Variants in DIP2A observed in about 807,000 individuals in gnomAD.
DIP2A encodes the protein disco-interacting protein 2 homolog A.
Under a neutral mutation model 177.4 loss-of-function variants are expected in DIP2A, and 85 were observed. That is an observed-to-expected ratio of 0.48 (90% CI 0.40 to 0.57). The LOEUF (loss-of-function observed/expected upper bound fraction) is 0.57. DIP2A is among the 20% of genes least tolerant of loss of function. The pLI is 0.00. For missense variants in DIP2A, 1,791 were observed against 2,100.2 expected (o/e 0.85, Z 2.88); for synonymous variants, 886 against 881.8 (o/e 1.00, Z -0.08).
chr21:46,566,769 C>T, intron 37 of DIP2A, 86 bp downstream of exon 37: 3 of 1,559,056 alleles, frequency 1.9e-6, no homozygotes, highest in Non-Finnish European at 2.6e-6. Context: ...TGGAGCAGAG[C>T]AAGGACTGCT....
intron 1 of DIP2A, among the ~76,000 whole-genome samples, chr21:46,480,662 A>G (rs1477435753): frequency 6.6e-6 from 1 of 152,160 alleles, no homozygotes; most frequent in Admixed American, 6.5e-5. Flanking sequence ...CTTTGGCAGC[A>G]AGGGAAAGGC....
intron 9 of DIP2A, among the ~76,000 whole-genome samples, chr21:46,529,490 A>G (rs1328221315): frequency 6.6e-6 from 1 of 151,742 alleles, no homozygotes; most frequent in Non-Finnish European, 1.5e-5. Context: ...AATGCCAGCT[A>G]CCCGGGAGGC....
At chr21:46,547,656 CTTTTTT>C (rs10672432) in intron 21 of DIP2A, among the ~76,000 whole-genome samples, 8 of 76,392 alleles carry the variant, frequency 1.0e-4, no homozygotes, top group African/African-American at 1.7e-4. Context: ...AAGGGGGTGC[CTTTTTT>C]TTTTTTTTTT....
intron 37 of DIP2A, 102 bp from the exon 38 acceptor site, chr21:46,567,268 T>G: frequency 6.7e-7 from 1 of 1,491,788 alleles, no homozygotes; most frequent in Non-Finnish European, 9.0e-7. Flanking sequence ...TGTGTGACAT[T>G]GGTGGGCTTC....
the DIP2A span, among the ~76,000 whole-genome samples, chr21:46,580,231 G>C: frequency 1.3e-5 from 2 of 152,108 alleles, no homozygotes; most frequent in Non-Finnish European, 2.9e-5. Context: ...ATCTTTGTTG[G>C]TTGAAGATTT....
Position 46,490,627 on chromosome 21 carries a change from A to G in DIP2A, c.191A>G (p.Asn64Ser). The G allele has an allele frequency of 6.3e-7, 1 of 1,579,452 alleles. No homozygotes were observed. Among genetic ancestry groups the G allele is most frequent in the Non-Finnish European group, 8.6e-7 (1 of 1,162,566 alleles). ...ATAGACCCATCTCTGCAAGCAGAGA[A>G]TAGAATTCCTGGGCCCTCACAAACC... Reference protein sequence around the residue: ...QGIDPSLQAENRIPGPSQTTA... With the variant: ...QGIDPSLQAESRIPGPSQTTA... The change falls in exon 3 of 38, where the codon AAT becomes AGT. Residue 64 changes from asparagine (N) to serine (S), a missense_variant. Asn to Ser is a conservative substitution (Grantham distance 46). Transcript: ENST00000417564.
intron 21 of DIP2A, among the ~76,000 whole-genome samples, chr21:46,548,181 CGTGTGTGTGT>C (rs151337762): frequency 5.4e-5 from 8 of 147,678 alleles, no homozygotes; most frequent in East Asian, 4.0e-4. Flanking sequence ...TGCATGTGTG[CGTGTGTGTGT>C]GTGTGTGTGT....
chr21:46,486,332 G>A (rs1354747066), intron 2 of DIP2A, among the ~76,000 whole-genome samples: 1 of 152,112 alleles, frequency 6.6e-6, no homozygotes, highest in African/African-American at 2.4e-5. Flanking sequence ...AGCCTCCTGA[G>A]TACATGGGAT....
Position 46,537,134 on chromosome 21 carries a change from T to A in DIP2A, c.1643-90T>A. On this transcript the variant is annotated intron_variant, in intron 13 of 37. Coordinates refer to ENST00000417564, the MANE Select transcript of DIP2A (RefSeq NM_015151.4). The surrounding 1 kb of genome is among the most constrained non-coding windows in gnomAD (Gnocchi z 4.1). ...TCTGTTCCTGAAACTTACATGTTGA[T>A]GACGTACTCACCTCAGAATTTCTCT... is the stretch of plus-strand genomic sequence containing the variant. The A allele has an allele frequency of 8.1e-7, 1 of 1,237,796 alleles. No homozygotes were observed. Among genetic ancestry groups the A allele is most frequent in the Non-Finnish European group, 1.2e-6 (1 of 837,294 alleles). 76.7% of individuals were successfully genotyped at this position (1,237,796 alleles called of 1,614,324 possible). A position where few individuals can be genotyped will look rare whatever the true frequency, so the allele number is the denominator to read the frequency against.
rs375900304 is a variant in DIP2A at position 46,565,916 on chromosome 21, A to C, written c.4339+29A>C. Reference sequence around the variant, plus strand: ...AGGGGTTGTGGTGAAGCCCTGCGTGAGTGCTGTGCGGGGAGGACCTGGGCT... The same window carrying C: ...AGGGGTTGTGGTGAAGCCCTGCGTGCGTGCTGTGCGGGGAGGACCTGGGCT... On this transcript the variant is annotated intron_variant, in intron 36 of 37. Transcript: ENST00000417564. The C allele has an allele frequency of 1.1e-3, 1,829 of 1,612,282 alleles. 4 individuals carry two copies. The highest frequency in any genetic ancestry group is 1.4e-3 in the Non-Finnish European group (1,673 of 1,179,296).
At chr21:46,460,109 T>C (rs1228778058) in intron 1 of DIP2A, among the ~76,000 whole-genome samples, 1 of 152,200 alleles carries the variant, frequency 6.6e-6, no homozygotes, top group Non-Finnish European at 1.5e-5. Context: ...CTTTCCATTT[T>C]GGATTGTTAT....
chr21:46,524,038 G>A (rs987702366), intron 8 of DIP2A, among the ~76,000 whole-genome samples: 2 of 152,214 alleles, frequency 1.3e-5, no homozygotes, highest in South Asian at 4.1e-4. Context: ...TGTCAGTAAT[G>A]AAGGGATCTT....
intron 1 of DIP2A, among the ~76,000 whole-genome samples, chr21:46,476,494 A>G (rs1476404126): frequency 1.3e-5 from 2 of 152,130 alleles, no homozygotes; most frequent in African/African-American, 4.8e-5. Flanking sequence ...AGAGACTAGC[A>G]TGGGGAAGAG....
rs1467541091 is a variant in DIP2A, at chr21:46,519,861, T to A, written c.1102+8247T>A. Among the ~76,000 whole-genome samples, 4 of 41,108 alleles carry A rather than the reference T, an allele frequency of 9.7e-5. No homozygotes were observed. In the East Asian group the frequency reaches 2.5e-3, roughly 26 times the overall value. 27.0% of individuals were successfully genotyped at this position (41,108 alleles called of 152,430 possible). A position where few individuals can be genotyped will look rare whatever the true frequency, so the allele number is the denominator to read the frequency against. ...AATTAGAATATTGATCTAGATTTTT[T>A]TTTTTTTTTTTTTTTTTTTTTTTTT... On this transcript the variant is annotated intron_variant, in intron 8 of 37. Transcript: ENST00000417564.
intron 6 of DIP2A, among the ~76,000 whole-genome samples, chr21:46,507,804 G>A (rs569582037): frequency 2.8e-4 from 40 of 145,008 alleles, no homozygotes; most frequent in Admixed American, 4.3e-4. Context: ...GGTGTCAAGC[G>A]ATTCTCCTGC....
At chr21:46,572,269 A>G (rs4819265), downstream of DIP2A, among the ~76,000 whole-genome samples, 50,822 of 152,112 alleles carry the variant, frequency 0.33, 8,735 homozygotes, top group East Asian at 0.43. Context: ...ATAAAGTTAC[A>G]GTAAGCTAAG....
At chr21:46,554,355 C>G (rs938683470) in intron 26 of DIP2A, 63 bp downstream of exon 26, 2 of 1,588,676 alleles carry the variant, frequency 1.3e-6, no homozygotes, top group Middle Eastern at 1.7e-4. Context: ...TCCTAAGCAG[C>G]CCCCTAGACA....
chr21:46,499,245 G>T (rs1002450987), intron 5 of DIP2A, among the ~76,000 whole-genome samples: 2 of 152,144 alleles, frequency 1.3e-5, no homozygotes, highest in African/African-American at 4.8e-5. Context: ...GTCCTTTGGG[G>T]CATGGGGCAT....
chr21:46,534,224 A>G, intron 12 of DIP2A, 111 bp downstream of exon 12: 1 of 861,024 alleles, frequency 1.2e-6, no homozygotes, highest in Non-Finnish European at 1.8e-6. Context: ...TCGGCCTAAG[A>G]GTTCTTGTTT....
Sources: gnomAD v4.1 joint callset for allele counts (sites outside exome capture counted in the v4.1 genomes callset) on GRCh38, gnomAD v4.1.1 for gene constraint, Gnocchi (gnomAD v3.1) non-coding constraint, MANE v1.5 for transcripts, NCBI Gene and HGNC (gene_info 2026-07-23, HGNC 2026-07-21) for gene names.